FBN2: variants seen among roughly 807,000 people sequenced by gnomAD.
The protein encoded by FBN2 is fibrillin-2.
Under a neutral mutation model 355.6 loss-of-function variants are expected in FBN2, and 105 were observed. That is an observed-to-expected ratio of 0.30 (90% CI 0.25 to 0.35). The LOEUF (loss-of-function observed/expected upper bound fraction) is 0.35. Ranked by LOEUF, FBN2 falls within the 10% of genes least tolerant of loss-of-function variation. The probability of loss-of-function intolerance (pLI) is 1.00; values close to 1 mark genes in which losing one functional copy is unlikely to be tolerated. For synonymous variants in FBN2, 1,350 were observed against 1,301.2 expected (o/e 1.04, Z -0.81); for missense variants, 3,280 against 3,758.7 (o/e 0.87, Z 3.33).
At chr5:128,454,137 G>C (rs1315290849) in intron 6 of FBN2, among the ~76,000 whole-genome samples, 1 of 152,128 alleles carries the variant, frequency 6.6e-6, no homozygotes, top group East Asian at 1.9e-4. Context: ...CACCTTTCAG[G>C]ATTATGACAC....
At chr5:128,537,297 T>G (rs1756877607) in intron 1 of FBN2, 53 bp downstream of exon 1, 1 of 1,601,992 alleles carries the variant, frequency 6.2e-7, no homozygotes, top group Admixed American at 1.7e-5. Flanking sequence ...AAACTGAGGA[T>G]TCCCCCCTCC....
intron 34 of FBN2, among the ~76,000 whole-genome samples, chr5:128,327,158 T>C (rs1054724276): frequency 6.6e-6 from 1 of 152,240 alleles, no homozygotes; most frequent in African/African-American, 2.4e-5. Flanking sequence ...GAACTCACCC[T>C]ACAGTTGCCT....
rs778473524 is a variant in FBN2 at position 128,351,001 on chromosome 5, G to C, written c.2679C>G (p.Ser893Arg). The change falls in exon 21 of 65, where the codon AGC (serine) becomes AGG (arginine). Residue 893 changes from serine to arginine, a missense_variant. By Grantham distance (110) the Ser-to-Arg change is moderately radical. Transcript: ENST00000262464. ...TGTTGAGCCAACAGGTCCCCTTCAGGCTGTCTGAAAAGGAACAGGAAAGGT... is the reference window on the plus strand; with the variant it reads ...TGTTGAGCCAACAGGTCCCCTTCAGCCTGTCTGAAAAGGAACAGGAAAGGT... ...LSSTGLICID[S>R]LKGTCWLNIQ... 23 of 1,614,154 alleles carry C rather than the reference G, an allele frequency of 1.4e-5. No homozygotes were observed. Among genetic ancestry groups the C allele is most frequent in the East Asian group, 2.2e-5 (1 of 44,868 alleles).
chr5:128,259,353 GTTA>G lies in FBN2; in HGVS notation c.*99_*101del, dbSNP rs199925656. 32,424 of 1,372,136 alleles carry G rather than the reference GTTA, an allele frequency of 0.024. 508 individuals carry two copies. Among genetic ancestry groups the G allele is most frequent in the Non-Finnish European group, 0.029 (27,577 of 962,482 alleles). The allele number at this position is 1,372,136 out of a possible 1,614,324, so 85.0% of individuals were successfully genotyped here. A position where few individuals can be genotyped will look rare whatever the true frequency, so the allele number is the denominator to read the frequency against. On this transcript the variant is annotated 3_prime_UTR_variant, in exon 65 of 65. Transcript: ENST00000262464. The stretch of plus-strand genomic sequence containing the variant: ...TAAGACAGGGAGGAAAGAAACAAGA[GTTA>G]TTATTATTTTTCCTCTTTAAAATTA...
At chr5:128,494,459 C>T (rs996344838) in intron 5 of FBN2, among the ~76,000 whole-genome samples, 1 of 152,108 alleles carries the variant, frequency 6.6e-6, no homozygotes, top group African/African-American at 2.4e-5. Flanking sequence ...GGCTCAAAGG[C>T]TGGCCCCAAA....
intron 8 of FBN2, among the ~76,000 whole-genome samples, chr5:128,401,207 T>C (rs1230050499): frequency 6.6e-6 from 1 of 152,176 alleles, no homozygotes; most frequent in Non-Finnish European, 1.5e-5. Context: ...ATCCATTCTA[T>C]ACCAATCCCC....
intron 47 of FBN2, among the ~76,000 whole-genome samples, chr5:128,301,176 A>G (rs1749705270): frequency 6.6e-6 from 1 of 152,214 alleles, no homozygotes. Flanking sequence ...GACAGCCTCA[A>G]GCTCTGTCCC....
chr5:128,417,369 G>A (rs2127011011), intron 7 of FBN2, among the ~76,000 whole-genome samples: 1 of 152,194 alleles, frequency 6.6e-6, no homozygotes, highest in South Asian at 2.1e-4. Flanking sequence ...TGATTGCTCT[G>A]GCTAGGACTT....
chr5:128,529,863 T>G (rs1224899143), intron 3 of FBN2, among the ~76,000 whole-genome samples: 1 of 152,122 alleles, frequency 6.6e-6, no homozygotes, highest in Non-Finnish European at 1.5e-5. Context: ...CATCAGGAGT[T>G]TCATCAGAAG....
intron 5 of FBN2, among the ~76,000 whole-genome samples, chr5:128,488,999 C>G (rs1029032208): frequency 3.2e-4 from 49 of 152,148 alleles, no homozygotes; most frequent in African/African-American, 1.2e-3. Context: ...GATTTATAGT[C>G]CTTTGGGTAT....
At chr5:128,408,961 C>A (rs1241054790) in intron 7 of FBN2, among the ~76,000 whole-genome samples, 162 bp from the exon 8 acceptor site, 1 of 152,000 alleles carries the variant, frequency 6.6e-6, no homozygotes, top group Non-Finnish European at 1.5e-5. Context: ...ATTTCTCACA[C>A]ATATCTATGG....
rs1213078297 is a variant in FBN2 at position 128,259,629 on chromosome 5, G to A, written c.8565C>T (p.Tyr2855=). 1 of 1,614,074 alleles carries A rather than the reference G, an allele frequency of 6.2e-7. No homozygotes were observed. The highest frequency in any genetic ancestry group is 1.3e-5 in the African/African-American group (1 of 75,024). Residue 2855 remains tyrosine, a synonymous_variant, in exon 65 of 65, where the codon TAC becomes TAT. Transcript: ENST00000262464. ...TGAGCTTCTTCTTGGCCGTGTGCAA[G>A]TAGCTGAGCCCATTCCTTTGGTGGA... The part of the protein sequence containing the change: ...FRIHQRNGLS[Y]LHTAKKKLMP...
At chr5:128,294,682 G>T (rs1040467891) in intron 48 of FBN2, among the ~76,000 whole-genome samples, 1 of 148,684 alleles carries the variant, frequency 6.7e-6, no homozygotes, top group African/African-American at 2.5e-5. Flanking sequence ...TTTTGATGGG[G>T]TTGTTTGTTT....
chr5:128,290,732 C>T lies in FBN2; in HGVS notation c.6445G>A (p.Val2149Ile), dbSNP rs1394667470. The T allele has an allele frequency of 6.2e-6, 10 of 1,613,962 alleles. No homozygotes were observed. Among genetic ancestry groups the T allele is most frequent in the African/African-American group, 1.3e-5 (1 of 74,924 alleles). Residue 2149 changes from valine (V) to isoleucine (I), a missense_variant and splice_region_variant, in exon 50 of 65, where the codon GTT (valine) becomes ATT (isoleucine). Val to Ile is a conservative substitution (Grantham distance 29). This residue lies in a region of FBN2 where 2,284 missense variants were observed against 2,749.5 expected (regional missense o/e 0.83). Coordinates refer to ENST00000262464, the MANE Select transcript of FBN2 (RefSeq NM_001999.4). Reference sequence around the variant, plus strand: ...TGTCTGATGATGTCATTGCTCTTACCTTCATCGTCTTTGGGGCACAGCTCA... The same window carrying T: ...TGTCTGATGATGTCATTGCTCTTACTTTCATCGTCTTTGGGGCACAGCTCA... ...PCELCPKDDE[V>I]AFQDLCPYGH...
intron 5 of FBN2, among the ~76,000 whole-genome samples, chr5:128,506,437 G>A (rs1366350309): frequency 6.6e-6 from 1 of 152,076 alleles, no homozygotes; most frequent in Non-Finnish European, 1.5e-5. Flanking sequence ...GATGTAAATG[G>A]TATTGTTTTC....
chr5:128,377,821 T>C lies in FBN2; in HGVS notation c.1780A>G (p.Thr594Ala), dbSNP rs1554064868. ...CAAATGCACTGGAAACTTCCATCTGTGTTCACGCATCGACCGTTTTTACAA... is the reference window on the plus strand; with the variant it reads ...CAAATGCACTGGAAACTTCCATCTGCGTTCACGCATCGACCGTTTTTACAA... ...VLCKNGRCVN[T>A]DGSFQCICNA... Residue 594 changes from threonine to alanine, a missense_variant, in exon 13 of 65, where the codon ACA becomes GCA. Thr to Ala is a moderately conservative substitution (Grantham distance 58). Coordinates refer to ENST00000262464, the MANE Select transcript of FBN2 (RefSeq NM_001999.4). The C allele has an allele frequency of 9.3e-6, 15 of 1,613,524 alleles. No homozygotes were observed. Among genetic ancestry groups the C allele is most frequent in the East Asian group, 2.2e-5 (1 of 44,886 alleles).
chr5:128,459,972 G>A (rs1489133192), intron 6 of FBN2, among the ~76,000 whole-genome samples: 4 of 152,116 alleles, frequency 2.6e-5, no homozygotes, highest in African/African-American at 9.7e-5. Flanking sequence ...AGGGCAATCA[G>A]GCAAGAGAAA....
In FBN2 at chr5:128,302,964, A is replaced by C. The variant is rs371439173; in HGVS notation, c.5917+9T>G. 6.7e-5 allele frequency: 91 copies of C among 1,351,402 alleles called. No homozygotes were observed. The highest frequency in any genetic ancestry group is 4.7e-4 in the African/African-American group (33 of 69,870). 83.7% of individuals were successfully genotyped at this position (1,351,402 alleles called of 1,614,324 possible). A position where few individuals can be genotyped will look rare whatever the true frequency, so the allele number is the denominator to read the frequency against. ...ATAGAAGCAATAAAGGACTGAATGA[A>C]GTACTTACCCAGGCAATCATTATTA... On this transcript the variant is annotated intron_variant, in intron 46 of 64. Coordinates refer to ENST00000262464, the MANE Select transcript of FBN2 (RefSeq NM_001999.4).
At chr5:128,497,335 C>A (rs1755682636) in intron 5 of FBN2, among the ~76,000 whole-genome samples, 1 of 152,174 alleles carries the variant, frequency 6.6e-6, no homozygotes, top group Non-Finnish European at 1.5e-5. Flanking sequence ...ATTACACTTT[C>A]TTGGGCCACT....
Sources: allele counts gnomAD v4.1 joint callset (sites outside exome capture counted in the v4.1 genomes callset), GRCh38; gene constraint gnomAD v4.1.1; regional missense constraint gnomAD v4.1.1; transcripts MANE v1.5; gene names NCBI Gene and HGNC (gene_info 2026-07-23, HGNC 2026-07-21).